RNU2-63P: variants seen among roughly 807,000 people sequenced by gnomAD.
The protein encoded by RNU2-63P is RNA, U2 small nuclear 63, pseudogene.
At chr2:88,016,474 A>G (rs10192766) in exon 1 of RNU2-63P, 108,661 of 151,840 alleles carry the variant, frequency 0.72, 39,028 homozygotes, top group East Asian at 0.84. Flanking sequence ...CATCAAACAG[A>G]AGAACATACC....
exon 1 of RNU2-63P, chr2:88,016,422 T>A (rs912844766): frequency 2.0e-5 from 3 of 152,316 alleles, no homozygotes; most frequent in African/African-American, 7.2e-5. Flanking sequence ...AGTAAACTCT[T>A]ACTCCAACTC....
exon 1 of RNU2-63P, chr2:88,016,447 G>A (rs181817952): frequency 1.8e-5 from 2 of 113,974 alleles, no homozygotes; most frequent in Admixed American, 9.1e-5. Flanking sequence ...TTCCAAAACT[G>A]CGTTTAATAT....
exon 1 of RNU2-63P, chr2:88,016,432 CCCCGTT>C (rs1229927199): frequency 1.9e-5 from 2 of 103,734 alleles, no homozygotes; most frequent in Admixed American, 1.0e-4. Context: ...TACTCCAACT[CCCCGTT>C]CCAAAACTGC....
At chr2:88,016,411 G>C (rs981467815) in exon 1 of RNU2-63P, 7 of 96,560 alleles carry the variant, frequency 7.2e-5, no homozygotes, top group East Asian at 3.8e-4. Flanking sequence ...AGACTAGATA[G>C]AGTAAACTCT....
At chr2:88,016,484 C>T (rs571405244) in exon 1 of RNU2-63P, 3 of 152,134 alleles carry the variant, frequency 2.0e-5, no homozygotes, top group East Asian at 1.9e-4. Context: ...AAGAACATAC[C>T]AGATATTAAA....
chr2:88,016,484 C>G (rs571405244), exon 1 of RNU2-63P: 20 of 152,016 alleles, frequency 1.3e-4, no homozygotes, highest in African/African-American at 1.7e-4. Flanking sequence ...AAGAACATAC[C>G]AGATATTAAA....
exon 1 of RNU2-63P, chr2:88,016,487 A>T (rs576046431): frequency 6.6e-6 from 1 of 152,190 alleles, no homozygotes; most frequent in Non-Finnish European, 1.5e-5. Flanking sequence ...AACATACCAG[A>T]TATTAAACTG....
At chr2:88,016,471 CAG>C (rs1247195486) in exon 1 of RNU2-63P, 1 of 151,790 alleles carries the variant, frequency 6.6e-6, no homozygotes, top group Non-Finnish European at 1.5e-5. Context: ...GTTCATCAAA[CAG>C]AAGAACATAC....
exon 1 of RNU2-63P, chr2:88,016,516 C>T (rs901321067): frequency 2.0e-5 from 3 of 152,208 alleles, no homozygotes; most frequent in South Asian, 2.1e-4. Flanking sequence ...ACACACTACA[C>T]TCAATCATTA....
exon 1 of RNU2-63P, chr2:88,016,535 G>C (rs550462875): frequency 6.6e-6 from 1 of 152,098 alleles, no homozygotes; most frequent in Non-Finnish European, 1.5e-5. Context: ...TAACCAAACA[G>C]CAAAAAAGAG....
At chr2:88,016,533 C>T (rs1231486931) in exon 1 of RNU2-63P, 9 of 152,202 alleles carry the variant, frequency 5.9e-5, no homozygotes, top group South Asian at 2.1e-4. Context: ...ATTAACCAAA[C>T]AGCAAAAAAG....
chr2:88,016,504 A>AT (rs1349959396), exon 1 of RNU2-63P: 2 of 152,190 alleles, frequency 1.3e-5, no homozygotes, highest in East Asian at 3.9e-4. Flanking sequence ...ACTGATAAGA[A>AT]CACACACTAC....
exon 1 of RNU2-63P, chr2:88,016,420 C>CTT (rs1328939959): frequency 9.3e-6 from 1 of 107,490 alleles, no homozygotes; most frequent in East Asian, 3.3e-4. Flanking sequence ...AGAGTAAACT[C>CTT]TTACTCCAAC....
chr2:88,016,370 C>T (rs1172231943), exon 1 of RNU2-63P: 8 of 23,526 alleles, frequency 3.4e-4, no homozygotes, highest in African/African-American at 5.2e-4. Context: ...TGCACCGTTT[C>T]TGGAAGTACT....
In RNU2-63P at chr2:88,016,511, C is replaced by T. The variant is rs180849231; in HGVS notation, n.37G>A. On this transcript the variant is annotated non_coding_transcript_exon_variant, in exon 1 of 1. Coordinates refer to ENST00000410792, the Ensembl canonical transcript of RNU2-63P. The stretch of plus-strand genomic sequence containing the variant: ...GATATTAAACTGATAAGAACACACA[C>T]TACACTCAATCATTAACCAAACAGC... 3.9e-5 allele frequency: 6 copies of T among 152,156 alleles called. 1 individual carries two copies. In the South Asian group the frequency reaches 6.2e-4, roughly 16 times the overall value. The allele number at this position is 152,156 out of a possible 1,614,324, so 9.4% of individuals were successfully genotyped here.
At chr2:88,016,367 T>C (rs1466704702) in exon 1 of RNU2-63P, 2 of 23,870 alleles carry the variant, frequency 8.4e-5, no homozygotes, top group African/African-American at 2.0e-4. Context: ...AGGTGCACCG[T>C]TTCTGGAAGT....
At chr2:88,016,501 A>G (rs533534645) in exon 1 of RNU2-63P, 1 of 152,184 alleles carries the variant, frequency 6.6e-6, no homozygotes, top group Non-Finnish European at 1.5e-5. Context: ...TAAACTGATA[A>G]GAACACACAC....
At chr2:88,016,515 A>G (rs1019676724) in exon 1 of RNU2-63P, 4 of 152,148 alleles carry the variant, frequency 2.6e-5, no homozygotes, top group Non-Finnish European at 4.4e-5. Flanking sequence ...CACACACTAC[A>G]CTCAATCATT....
At chr2:88,016,412 AG>A (rs1656297695) in exon 1 of RNU2-63P, 1 of 152,182 alleles carries the variant, frequency 6.6e-6, no homozygotes, top group Non-Finnish European at 1.5e-5. Flanking sequence ...GACTAGATAG[AG>A]TAAACTCTTA....
Sources: allele counts gnomAD v4.1 joint callset, GRCh38; gene constraint gnomAD v4.1.1; transcripts MANE v1.5; gene names NCBI Gene and HGNC (gene_info 2026-07-23, HGNC 2026-07-21).